SCHIP1: variants seen among roughly 807,000 people sequenced by gnomAD.
The protein encoded by SCHIP1 is schwannomin-interacting protein 1.
Under a neutral mutation model 29.7 loss-of-function variants are expected in SCHIP1, and 8 were observed. That is an observed-to-expected ratio of 0.27 (90% CI 0.16 to 0.49). The LOEUF is 0.49. Ranked by LOEUF, SCHIP1 falls within the 20% of genes least tolerant of loss-of-function variation. The pLI is 0.99. For missense variants in SCHIP1, 193 were observed against 294.6 expected, an observed-to-expected ratio of 0.66 and a Z score of 2.52; for synonymous variants, 76 against 94.9, an observed-to-expected ratio of 0.80 and a Z score of 1.16.
At chr3:159,408,566 C>T in the SCHIP1 span, among the ~76,000 whole-genome samples, 1 of 151,984 alleles carries the variant, frequency 6.6e-6, no homozygotes, top group African/African-American at 2.4e-5. Flanking sequence ...ATTGGAAAAC[C>T]TAGAATAAAT....
chr3:159,769,175 G>A, the SCHIP1 span, among the ~76,000 whole-genome samples: 2 of 146,522 alleles, frequency 1.4e-5, no homozygotes, highest in African/African-American at 5.0e-5. Context: ...ATGAGAGCGG[G>A]CCACAAACAG....
the SCHIP1 span, among the ~76,000 whole-genome samples, chr3:159,373,333 G>A: frequency 1.1e-4 from 17 of 150,952 alleles, no homozygotes; most frequent in African/African-American, 1.9e-4. Context: ...ATGTATTTAC[G>A]GGATAAAAAG....
chr3:159,573,803 C>T, the SCHIP1 span, among the ~76,000 whole-genome samples: 5 of 152,028 alleles, frequency 3.3e-5, no homozygotes, highest in South Asian at 2.1e-4. Context: ...AGGCTTTGTT[C>T]GTTTCTTTTT....
the SCHIP1 span, among the ~76,000 whole-genome samples, chr3:159,655,166 G>C: frequency 6.6e-6 from 1 of 152,140 alleles, no homozygotes; most frequent in East Asian, 1.9e-4. Context: ...TATGAAAATT[G>C]AATATAAAAT....
the SCHIP1 span, among the ~76,000 whole-genome samples, chr3:159,423,818 A>G: frequency 6.6e-6 from 1 of 152,028 alleles, no homozygotes; most frequent in Non-Finnish European, 1.5e-5. Flanking sequence ...CCCAGTAGGG[A>G]CAGACTGACA....
chr3:159,557,227 T>C, the SCHIP1 span, among the ~76,000 whole-genome samples: 1 of 152,150 alleles, frequency 6.6e-6, no homozygotes, highest in Admixed American at 6.5e-5. Context: ...AAAAAAAAGA[T>C]TCTTAAATTG....
chr3:159,369,313 A>G, the SCHIP1 span, among the ~76,000 whole-genome samples: 1 of 152,204 alleles, frequency 6.6e-6, no homozygotes, highest in African/African-American at 2.4e-5. Context: ...TAAAATAATA[A>G]CATAAATGTA....
chr3:159,494,730 G>A, the SCHIP1 span, among the ~76,000 whole-genome samples: 2 of 152,162 alleles, frequency 1.3e-5, no homozygotes, highest in South Asian at 2.1e-4. Context: ...TAGAAAAAGA[G>A]GGAATCCTCC....
At chr3:159,304,502 T>C in the SCHIP1 span, among the ~76,000 whole-genome samples, 2 of 152,220 alleles carry the variant, frequency 1.3e-5, no homozygotes, top group African/African-American at 4.8e-5. Context: ...CTTATATTTT[T>C]CCCACAATCC....
chr3:159,792,050 T>C, the SCHIP1 span, among the ~76,000 whole-genome samples: 1 of 152,188 alleles, frequency 6.6e-6, no homozygotes. Context: ...TGTGTCTATC[T>C]TGGGCCTAGA....
At chr3:159,817,326 C>T in the SCHIP1 span, among the ~76,000 whole-genome samples, 1 of 151,958 alleles carries the variant, frequency 6.6e-6, no homozygotes, top group African/African-American at 2.4e-5. Context: ...CTGCGGGTGG[C>T]GGGGTCGAGG....
the SCHIP1 span, among the ~76,000 whole-genome samples, chr3:159,667,487 T>C: frequency 6.6e-6 from 1 of 152,178 alleles, no homozygotes. Context: ...GGGCATCCAA[T>C]GATCTGGCCA....
the SCHIP1 span, among the ~76,000 whole-genome samples, chr3:159,621,216 T>C: frequency 1.2e-3 from 186 of 152,298 alleles, no homozygotes; most frequent in African/African-American, 4.3e-3. Context: ...GAATAGTAAG[T>C]TGATGAGTGG....
the SCHIP1 span, among the ~76,000 whole-genome samples, chr3:159,695,487 C>G: frequency 0.081 from 12,400 of 152,218 alleles, 719 homozygotes; most frequent in Non-Finnish European, 0.12. Context: ...GCTGCTCCAT[C>G]TCATACCTGG....
intron 1 of SCHIP1, chr3:159,853,588 T>G (rs1712944770): frequency 4.1e-6 from 2 of 490,748 alleles, no homozygotes; most frequent in East Asian, 6.6e-5. Context: ...AAAAACTAAA[T>G]GCACAGAATC....
chr3:159,598,699 G>A, the SCHIP1 span, among the ~76,000 whole-genome samples: 1 of 152,108 alleles, frequency 6.6e-6, no homozygotes, highest in South Asian at 2.1e-4. Flanking sequence ...GGATCTACCT[G>A]TTAAAAGTTC....
At chr3:159,569,282 A>G in the SCHIP1 span, among the ~76,000 whole-genome samples, 1 of 152,074 alleles carries the variant, frequency 6.6e-6, no homozygotes, top group Non-Finnish European at 1.5e-5. Flanking sequence ...TTCATCATTT[A>G]CATTAAGTAT....
chr3:159,716,085 G>A, the SCHIP1 span, among the ~76,000 whole-genome samples: 1 of 152,176 alleles, frequency 6.6e-6, no homozygotes, highest in Admixed American at 6.5e-5. Context: ...AAGAGAGTGA[G>A]GGCCAATATT....
chr3:159,456,004 G>A, the SCHIP1 span, among the ~76,000 whole-genome samples: 16 of 152,254 alleles, frequency 1.1e-4, no homozygotes, highest in Middle Eastern at 3.4e-3. Context: ...CATCTGAGCC[G>A]GCTGAGCAGT....
Sources: allele counts gnomAD v4.1 joint callset (sites outside exome capture counted in the v4.1 genomes callset), GRCh38; gene constraint gnomAD v4.1.1; transcripts MANE v1.5; gene names NCBI Gene and HGNC (gene_info 2026-07-23, HGNC 2026-07-21).